DHODH: variants seen among roughly 807,000 people sequenced by gnomAD.
DHODH encodes dihydroorotate dehydrogenase (quinone).
A neutral mutation model predicts 39.7 loss-of-function variants in DHODH; 30 were observed. The observed-to-expected ratio is 0.76, with a 90% confidence interval of 0.57 to 1.02. DHODH has a LOEUF of 1.02. Among genes scored for constraint, DHODH ranks in the 50% least tolerant of loss-of-function variants. The pLI, the probability that DHODH is intolerant of heterozygous loss-of-function variation, is 0.00. For missense variants in DHODH, 531 were observed against 520.8 expected (o/e 1.02, Z -0.19); for synonymous variants, 222 against 213.8 (o/e 1.04, Z -0.34).
chr16:72,024,770 C>G lies in DHODH; in HGVS notation c.*571C>G, dbSNP rs1252400378. On this transcript the variant is annotated 3_prime_UTR_variant, in exon 9 of 9. Coordinates refer to ENST00000219240, the MANE Select transcript of DHODH (RefSeq NM_001361.5). ...ATCACCTGAGGCCAGGAGTTGGAGACCAGCCAGGCCACCATGGTGAAACCC... is the reference window on the plus strand; with the variant it reads ...ATCACCTGAGGCCAGGAGTTGGAGAGCAGCCAGGCCACCATGGTGAAACCC... The G allele has an allele frequency of 6.5e-6, 1 of 153,940 alleles. No homozygotes were observed. The highest frequency in any genetic ancestry group is 1.4e-5 in the Non-Finnish European group (1 of 69,194). The allele number at this position is 153,940 out of a possible 1,614,324, so 9.5% of individuals were successfully genotyped here.
At chr16:72,013,330 T>C (rs2041105620) in intron 2 of DHODH, among the ~76,000 whole-genome samples, 1 of 152,002 alleles carries the variant, frequency 6.6e-6, no homozygotes, top group African/African-American at 2.4e-5. Flanking sequence ...TGGGAGTGAA[T>C]AATGAGTGGG....
intron 4 of DHODH, among the ~76,000 whole-genome samples, chr16:72,019,416 G>C (rs184837485): frequency 3.3e-4 from 51 of 152,288 alleles, no homozygotes; most frequent in Admixed American, 2.3e-3. Flanking sequence ...CATTTTGTGA[G>C]CTACTTGGTG....
In DHODH at chr16:72,021,308, C is replaced by T. The variant is rs1333346002; in HGVS notation, c.702C>T (p.Thr234=). The T allele has an allele frequency of 6.2e-7, 1 of 1,602,992 alleles. No individual in the cohort carries two copies. The highest frequency in any genetic ancestry group is 1.7e-4 in the Middle Eastern group (1 of 5,722). Reference sequence around the variant, plus strand: ...AGGCCGAGCTGCGCCGCCTGCTGACCAAGGTGGGCAGCTGCACCCCTCTCC... The same window carrying T: ...AGGCCGAGCTGCGCCGCCTGCTGACTAAGGTGGGCAGCTGCACCCCTCTCC... ...QGKAELRRLL[T]KVLQERDGLR... is the part of the protein sequence containing the mutation. The change falls in exon 5 of 9, where the codon ACC becomes ACT. Residue 234 remains threonine (T), a synonymous_variant. Coordinates refer to ENST00000219240, the MANE Select transcript of DHODH (RefSeq NM_001361.5).
intron 1 of DHODH, 84 bp downstream of exon 1, chr16:72,008,869 G>A (rs1389213507): frequency 5.2e-6 from 8 of 1,550,342 alleles, no homozygotes; most frequent in Admixed American, 2.0e-5. Flanking sequence ...GCGAGGCATG[G>A]ACCGAAGGCG....
rs747094553 is a variant in DHODH, at chr16:72,021,340, T to C, written c.705+29T>C. On this transcript the variant is annotated intron_variant, in intron 5 of 8. Coordinates refer to ENST00000219240, the MANE Select transcript of DHODH (RefSeq NM_001361.5). ...GGCAGCTGCACCCCTCTCCAGGCCCTGTCCCACCAGCCTGTCCCACCTGCT... is the reference window on the plus strand; with the variant it reads ...GGCAGCTGCACCCCTCTCCAGGCCCCGTCCCACCAGCCTGTCCCACCTGCT... 7.6e-6 allele frequency: 12 copies of C among 1,574,682 alleles called. No individual in the cohort carries two copies. In the African/African-American group the frequency reaches 1.5e-4, roughly 19 times the overall value.
chr16:72,012,367 A>G, intron 2 of DHODH, 105 bp downstream of exon 2: 1 of 967,476 alleles, frequency 1.0e-6, no homozygotes, highest in Non-Finnish European at 1.6e-6. Context: ...ACCCCAAGTG[A>G]GCAGTGGGGA....
Position 72,014,547 on chromosome 16 carries a change from C to T in DHODH, c.309C>T (p.Ala103=), listed in dbSNP as rs143783734. The T allele has an allele frequency of 4.6e-5, 74 of 1,614,128 alleles. No individual in the cohort carries two copies. In the East Asian group the frequency reaches 1.3e-3, roughly 28 times the overall value. The change falls in exon 3 of 9, where the codon GCC becomes GCT. Residue 103 remains alanine (A), a synonymous_variant. Transcript: ENST00000219240. ...CAGGATTTGACAAGCATGGGGAAGC[C>T]GTGGACGGACTTTATAAGATGGGCT... ...IAAGFDKHGE[A]VDGLYKMGFG... is the part of the protein sequence containing the mutation.
intron 1 of DHODH, 33 bp downstream of exon 1, chr16:72,008,818 G>C (rs937682107): frequency 6.4e-7 from 1 of 1,552,426 alleles, no homozygotes; most frequent in Admixed American, 2.0e-5. Context: ...GTGGATGGGG[G>C]ACCAGGGACC....
chr16:72,017,021 C>T lies in DHODH; in HGVS notation c.435-3C>T. The T allele has an allele frequency of 1.2e-6, 2 of 1,613,614 alleles. No individual in the cohort carries two copies. Among genetic ancestry groups the T allele is most frequent in the Non-Finnish European group, 1.7e-6 (2 of 1,179,828 alleles). On this transcript the variant is annotated splice_region_variant and splice_polypyrimidine_tract_variant and intron_variant, in intron 3 of 8. Coordinates refer to ENST00000219240, the MANE Select transcript of DHODH (RefSeq NM_001361.5). ...GCCCCTCCCGTGTGCTTGTGCTCTGCAGGTATGGATTTAACAGTCACGGGC... is the reference window on the plus strand; with the variant it reads ...GCCCCTCCCGTGTGCTTGTGCTCTGTAGGTATGGATTTAACAGTCACGGGC...
At chr16:72,017,965 G>C (rs1316532290) in intron 4 of DHODH, among the ~76,000 whole-genome samples, 3 of 151,978 alleles carry the variant, frequency 2.0e-5, no homozygotes, top group Admixed American at 6.6e-5. Context: ...TAGTAGAGAC[G>C]GGGTTTCACT....
chr16:72,020,981 G>A (rs1430011135), intron 4 of DHODH, 143 bp from the exon 5 acceptor site: 7 of 822,596 alleles, frequency 8.5e-6, no homozygotes, highest in African/African-American at 6.8e-5. Context: ...CCGCAGTTGA[G>A]CACCTGTCAG....
chr16:72,014,780 C>G (rs1410199745), intron 3 of DHODH, 108 bp downstream of exon 3: 1 of 1,125,564 alleles, frequency 8.9e-7, no homozygotes, highest in East Asian at 2.5e-5. Context: ...TGTGGACATT[C>G]TTCTGTCATT....
intron 2 of DHODH, among the ~76,000 whole-genome samples, chr16:72,013,981 C>T (rs2041112157): frequency 6.6e-6 from 1 of 152,124 alleles, no homozygotes; most frequent in Admixed American, 6.5e-5. Context: ...GCTGGGGCTT[C>T]TTGCCAGCCC....
At position 72,012,851 on chromosome 16, in the gene DHODH, G is replaced by C. The variant is rs528985649; in HGVS notation, c.234+589G>C. On this transcript the variant is annotated intron_variant, in intron 2 of 8. Transcript: ENST00000219240. Reference sequence around the variant, plus strand: ...AAAGCCTCTAGGGCAGGAAGAGGGTGTGTAGGCAGAAGTGTAGATACAGCC... The same window carrying C: ...AAAGCCTCTAGGGCAGGAAGAGGGTCTGTAGGCAGAAGTGTAGATACAGCC... Among the ~76,000 whole-genome samples, 3 of 152,332 alleles carry C rather than the reference G, an allele frequency of 2.0e-5. No homozygotes were observed. In the South Asian group the frequency reaches 6.2e-4, roughly 32 times the overall value.
At chr16:72,020,321 G>GTATATGTGTATATATATATATATATATA (rs1310310335) in intron 4 of DHODH, 38 of 111,212 alleles carry the variant, frequency 3.4e-4, no homozygotes, top group Non-Finnish European at 4.6e-4. Flanking sequence ...ATGTGTATAT[G>GTATATGTGTATATATATATATATATATA]TATATGTGTA....
chr16:72,011,929 G>GC (rs1448702371), intron 1 of DHODH, 121 bp from the exon 2 acceptor site: 11 of 739,392 alleles, frequency 1.5e-5, no homozygotes, highest in Non-Finnish European at 2.6e-5. Flanking sequence ...TCAGCGGAAG[G>GC]CTAAGGGCGT....
chr16:72,019,202 C>T (rs746911113), intron 4 of DHODH, among the ~76,000 whole-genome samples: 65 of 152,156 alleles, frequency 4.3e-4, no homozygotes, highest in Non-Finnish European at 6.8e-4. Context: ...TTGATCCACC[C>T]ACCTCAGCCT....
chr16:72,022,963 C>T (rs992020157), intron 6 of DHODH, among the ~76,000 whole-genome samples: 1 of 152,136 alleles, frequency 6.6e-6, no homozygotes, highest in Non-Finnish European at 1.5e-5. Context: ...GGGTGGTCAG[C>T]GTGTGATGGC....
Position 72,011,959 on chromosome 16 carries a change from G to A in DHODH, c.22-91G>A, listed in dbSNP as rs1276747370. On this transcript the variant is annotated intron_variant, in intron 1 of 8. Transcript: ENST00000219240. The stretch of plus-strand genomic sequence containing the variant: ...GGGCGTCTGTTTCATGTGACCTGCC[G>A]TTATGCCCTCTGTGTACCTGGGTGT... 9.7e-6 allele frequency: 10 copies of A among 1,030,630 alleles called. 1 individual carries two copies. The highest frequency in any genetic ancestry group is 2.5e-4 in the Middle Eastern group (1 of 3,944). The allele number at this position is 1,030,630 out of a possible 1,614,324, so 63.8% of individuals were successfully genotyped here. A position where few individuals can be genotyped will look rare whatever the true frequency, so the allele number is the denominator to read the frequency against.
Sources: allele counts gnomAD v4.1 joint callset (sites outside exome capture counted in the v4.1 genomes callset), GRCh38; gene constraint gnomAD v4.1.1; transcripts MANE v1.5; gene names NCBI Gene and HGNC (gene_info 2026-07-23, HGNC 2026-07-21).